CFAP54: variants seen among roughly 807,000 people sequenced by gnomAD.
The protein encoded by CFAP54 is cilia and flagella associated protein 54, also known as cilia- and flagella-associated protein 54.
CFAP54 carries 290 observed loss-of-function variants against 370.4 expected under a neutral mutation model. The ratio of observed to expected loss-of-function variants is 0.78; its 90% CI spans 0.71 to 0.86. CFAP54 has a LOEUF of 0.86. Among genes scored for constraint, CFAP54 ranks in the 40% least tolerant of loss-of-function variants. The pLI is 0.00. For synonymous variants in CFAP54, 1,206 were observed against 1,236.5 expected (o/e 0.98, Z 0.52); for missense variants, 3,399 against 3,528.7 (o/e 0.96, Z 0.93).
At chr12:96,535,667 G>T in intron 12 of CFAP54, 67 bp downstream of exon 12, 1 of 1,013,246 alleles carries the variant, frequency 9.9e-7, no homozygotes, top group South Asian at 1.5e-5. Context: ...ACTTAAGGCC[G>T]AATTTAAAAT....
chr12:96,810,935 C>A (rs781607123), intron 63 of CFAP54, among the ~76,000 whole-genome samples: 1 of 152,076 alleles, frequency 6.6e-6, no homozygotes, highest in Admixed American at 6.6e-5. Context: ...CAGGCAGATA[C>A]GGGAACCTCC....
At chr12:96,755,630 G>T (rs1347431297) in intron 56 of CFAP54, among the ~76,000 whole-genome samples, 1 of 149,032 alleles carries the variant, frequency 6.7e-6, no homozygotes, top group Admixed American at 6.7e-5. Flanking sequence ...ATAGTATTCC[G>T]TTGTGTATAT....
At chr12:96,804,184 C>G (rs1353897140) in intron 63 of CFAP54, among the ~76,000 whole-genome samples, 1 of 151,888 alleles carries the variant, frequency 6.6e-6, no homozygotes, top group Non-Finnish European at 1.5e-5. Flanking sequence ...TTCTGTCACA[C>G]AGAAATAAGA....
rs563301995 is a variant in CFAP54, at chr12:96,610,674, G to A, written c.3640-10916G>A. On this transcript the variant is annotated intron_variant, in intron 26 of 67. Transcript: ENST00000524981. Reference sequence around the variant, plus strand: ...TATGACAGACGGCACCTGGAAAATCGGGTCACTCCCACCCTAATACTGTGC... The same window carrying A: ...TATGACAGACGGCACCTGGAAAATCAGGTCACTCCCACCCTAATACTGTGC... 1.1e-4 allele frequency among the ~76,000 whole-genome samples: 17 copies of A among 152,298 alleles called. No individual in the cohort carries two copies. In the South Asian group the frequency reaches 1.4e-3, roughly 13 times the overall value.
chr12:96,820,918 G>T (rs1042665429), intron 65 of CFAP54, among the ~76,000 whole-genome samples: 3 of 152,038 alleles, frequency 2.0e-5, no homozygotes, highest in Non-Finnish European at 4.4e-5. Context: ...TGCTGAAATT[G>T]TCCCTAAATT....
intron 12 of CFAP54, among the ~76,000 whole-genome samples, chr12:96,535,935 C>T (rs1241786491): frequency 1.3e-5 from 2 of 152,154 alleles, no homozygotes; most frequent in Admixed American, 6.5e-5. Context: ...TTGGAAGTCA[C>T]TTTGCACACA....
At position 96,630,629 on chromosome 12, in the gene CFAP54, T is replaced by C; in HGVS notation, c.4294T>C (p.Ser1432Pro). Residue 1432 changes from serine (S) to proline (P), a missense_variant, in exon 32 of 68, where the codon TCT (serine) becomes CCT (proline). Ser to Pro is a moderately conservative substitution (Grantham distance 74). This residue lies in a region of CFAP54 where 2,796 missense variants were observed against 2,869.7 expected (regional missense o/e 0.97). Coordinates refer to ENST00000524981, the MANE Select transcript of CFAP54 (RefSeq NM_001306084.2). Reference protein sequence around the residue: ...RDFIFKNPAISEMVAHERNRR... With the variant: ...RDFIFKNPAIPEMVAHERNRR... ...TTTCATTTTTAAAAATCCGGCTATT[T>C]CTGAAATGGTGGCACATGAAAGGTA... 1 of 1,497,320 alleles carries C rather than the reference T, an allele frequency of 6.7e-7. No individual in the cohort carries two copies. 92.8% of individuals were successfully genotyped at this position (1,497,320 alleles called of 1,614,324 possible).
At chr12:96,791,785 C>T (rs1958697703) in intron 62 of CFAP54, among the ~76,000 whole-genome samples, 1 of 152,058 alleles carries the variant, frequency 6.6e-6, no homozygotes, top group Non-Finnish European at 1.5e-5. Flanking sequence ...TAGATCTTCA[C>T]CCTGTAAGAC....
At chr12:96,661,436 TG>T (rs1347869503) in intron 38 of CFAP54, among the ~76,000 whole-genome samples, 1 of 152,164 alleles carries the variant, frequency 6.6e-6, no homozygotes, top group East Asian at 1.9e-4. Context: ...TTGGCTTATA[TG>T]ATTGTGGAGG....
intron 66 of CFAP54, among the ~76,000 whole-genome samples, chr12:96,833,586 A>G (rs1164295252): frequency 6.6e-6 from 1 of 150,662 alleles, no homozygotes; most frequent in Non-Finnish European, 1.5e-5. Context: ...TATGGAGAGG[A>G]GGTTCCTAGG....
At chr12:96,588,882 T>C (rs1956098867) in intron 22 of CFAP54, among the ~76,000 whole-genome samples, 1 of 152,260 alleles carries the variant, frequency 6.6e-6, no homozygotes, top group South Asian at 2.1e-4. Context: ...TTAAATTTGT[T>C]AAACTTAAAA....
At chr12:96,709,629 T>C (rs1957588169) in intron 48 of CFAP54, among the ~76,000 whole-genome samples, 1 of 152,006 alleles carries the variant, frequency 6.6e-6, no homozygotes, top group Non-Finnish European at 1.5e-5. Context: ...ATTGATATGG[T>C]ATGTTACATT....
chr12:96,739,735 C>T (rs1049232826), intron 50 of CFAP54, among the ~76,000 whole-genome samples: 1 of 151,994 alleles, frequency 6.6e-6, no homozygotes, highest in African/African-American at 2.4e-5. Flanking sequence ...GGGAATAAGA[C>T]AAATTAGCTG....
intron 65 of CFAP54, among the ~76,000 whole-genome samples, chr12:96,824,658 G>C (rs968962696): frequency 2.0e-5 from 3 of 152,098 alleles, no homozygotes; most frequent in African/African-American, 7.2e-5. Flanking sequence ...GTGCTGGGTA[G>C]TCTGCCTGTC....
chr12:96,533,663 C>A, intron 9 of CFAP54, 129 bp from the exon 10 acceptor site: 1 of 716,230 alleles, frequency 1.4e-6, no homozygotes, highest in Non-Finnish European at 2.1e-6. Flanking sequence ...TCTTGTTTCC[C>A]CCACTAGAAC....
At chr12:96,784,674 A>G in intron 60 of CFAP54, 43 bp from the exon 61 acceptor site, 1 of 1,338,826 alleles carries the variant, frequency 7.5e-7, no homozygotes, top group South Asian at 1.6e-5. Context: ...CAAGGAAAGC[A>G]TAATATAATA....
intron 58 of CFAP54, among the ~76,000 whole-genome samples, chr12:96,761,402 C>T (rs1958335261): frequency 6.6e-6 from 1 of 152,058 alleles, no homozygotes; most frequent in South Asian, 2.1e-4. Flanking sequence ...AAATGATTTG[C>T]AAATATTTTC....
chr12:96,639,819 C>T (rs533925450), intron 32 of CFAP54, among the ~76,000 whole-genome samples: 24 of 151,606 alleles, frequency 1.6e-4, no homozygotes, highest in South Asian at 4.2e-4. Flanking sequence ...ACAGAACCAA[C>T]GACAAAAACC....
In CFAP54 at chr12:96,554,893, T is replaced by A. The variant is rs893037613; in HGVS notation, c.2410+91T>A. ...ATTTAATTTGAAAACTGTGTTCTTG[T>A]TGACTTAAGTTTTCAGATAAATTTC... On this transcript the variant is annotated intron_variant, in intron 17 of 67. Transcript: ENST00000524981. 7.4e-6 allele frequency: 9 copies of A among 1,223,800 alleles called. No individual in the cohort carries two copies. In the African/African-American group the frequency reaches 1.2e-4, roughly 17 times the overall value. The allele number at this position is 1,223,800 out of a possible 1,614,324, so 75.8% of individuals were successfully genotyped here. A position where few individuals can be genotyped will look rare whatever the true frequency, so the allele number is the denominator to read the frequency against.
Sources: allele counts gnomAD v4.1 joint callset (sites outside exome capture counted in the v4.1 genomes callset), GRCh38; gene constraint gnomAD v4.1.1; regional missense constraint gnomAD v4.1.1; transcripts MANE v1.5; gene names NCBI Gene and HGNC (gene_info 2026-07-23, HGNC 2026-07-21).